RARB: variants seen among roughly 807,000 people sequenced by gnomAD.
RARB encodes HBV-activated protein.
RARB carries 17 observed loss-of-function variants against 51.9 expected under a neutral mutation model. That is an observed-to-expected ratio of 0.33 (90% CI 0.22 to 0.49). RARB has a LOEUF of 0.49. Ranked by LOEUF, RARB falls within the 20% of genes least tolerant of loss-of-function variation. The probability of loss-of-function intolerance (pLI) is 0.99; values close to 1 mark genes in which losing one functional copy is unlikely to be tolerated. For missense variants in RARB, 369 were observed against 550.8 expected, an observed-to-expected ratio of 0.67 and a Z score of 3.30; for synonymous variants, 215 against 195.4, an observed-to-expected ratio of 1.10 and a Z score of -0.84.
chr3:25,421,949 A>G (rs1256662034), intron 5 of RARB, among the ~76,000 whole-genome samples: 2 of 152,182 alleles, frequency 1.3e-5, no homozygotes, highest in Admixed American at 6.5e-5. Flanking sequence ...TGAGAGCACT[A>G]TGCTGCAATA....
intron 3 of RARB, among the ~76,000 whole-genome samples, chr3:25,114,074 G>GGCAT (rs1478920449): frequency 1.3e-5 from 2 of 152,222 alleles, no homozygotes; most frequent in East Asian, 3.9e-4. Flanking sequence ...TTGTGTCTTG[G>GGCAT]GCATTTCAAA....
chr3:24,937,376 T>C (rs1695568054), intron 2 of RARB, among the ~76,000 whole-genome samples: 3 of 152,308 alleles, frequency 2.0e-5, no homozygotes, highest in South Asian at 4.1e-4. Flanking sequence ...GAGTCTACCC[T>C]GGTGCCAGAA....
intron 3 of RARB, among the ~76,000 whole-genome samples, chr3:25,119,818 G>A (rs1391254035): frequency 6.6e-6 from 1 of 152,018 alleles, no homozygotes; most frequent in East Asian, 1.9e-4. Context: ...TAGAGCTGGT[G>A]GTCTGTATTT....
At chr3:25,028,749 C>T (rs1052242305) in intron 2 of RARB, among the ~76,000 whole-genome samples, 2 of 152,158 alleles carry the variant, frequency 1.3e-5, no homozygotes, top group African/African-American at 4.8e-5. Context: ...CTTAAGGGAA[C>T]TTTCAAGGTC....
intron 2 of RARB, among the ~76,000 whole-genome samples, chr3:25,472,088 C>T (rs1434358705): frequency 6.6e-6 from 1 of 152,186 alleles, no homozygotes; most frequent in East Asian, 1.9e-4. Flanking sequence ...GTTTCTAATG[C>T]ATTTTCATGT....
chr3:25,276,979 A>T (rs1223258572), intron 5 of RARB, among the ~76,000 whole-genome samples: 3 of 152,214 alleles, frequency 2.0e-5, no homozygotes, highest in African/African-American at 7.2e-5. Flanking sequence ...AGAAAGAGTG[A>T]AAATAAGTGA....
intron 5 of RARB, among the ~76,000 whole-genome samples, chr3:25,378,788 A>G (rs191791303): frequency 2.7e-4 from 41 of 152,332 alleles, no homozygotes; most frequent in African/African-American, 9.1e-4. Context: ...TTTGGTCTGT[A>G]AAATACTGAT....
intron 3 of RARB, among the ~76,000 whole-genome samples, chr3:25,117,709 G>C (rs1350287614): frequency 1.3e-5 from 2 of 152,066 alleles, no homozygotes; most frequent in Admixed American, 1.3e-4. Context: ...TCAACTGTTG[G>C]GCTCAAGGAA....
intron 5 of RARB, among the ~76,000 whole-genome samples, chr3:25,298,091 G>A (rs919949476): frequency 6.6e-6 from 1 of 152,186 alleles, no homozygotes; most frequent in South Asian, 2.1e-4. Context: ...GAGGTTCAGG[G>A]TAGGGGGAAT....
At chr3:25,162,469 A>G (rs1700488604) in intron 4 of RARB, among the ~76,000 whole-genome samples, 1 of 152,164 alleles carries the variant, frequency 6.6e-6, no homozygotes, top group Non-Finnish European at 1.5e-5. Flanking sequence ...AAGATGCACA[A>G]TTCAGTAGTT....
chr3:25,279,579 TA>T (rs112935948), intron 5 of RARB, among the ~76,000 whole-genome samples: 2,891 of 142,542 alleles, frequency 0.02, 67 homozygotes, highest in African/African-American at 0.054. Context: ...ACTGATCTAT[TA>T]AAAAAAAAAA....
At chr3:25,108,995 T>C (rs917144998) in intron 3 of RARB, among the ~76,000 whole-genome samples, 6 of 152,100 alleles carry the variant, frequency 3.9e-5, no homozygotes, top group Non-Finnish European at 5.9e-5. Context: ...TCAGACCAGA[T>C]TGTATCCCTG....
chr3:24,983,537 C>G (rs1294643453), intron 2 of RARB, among the ~76,000 whole-genome samples: 1 of 152,050 alleles, frequency 6.6e-6, no homozygotes, highest in Non-Finnish European at 1.5e-5. Context: ...TCCCCTTGCC[C>G]CCTACCCCCT....
At chr3:25,110,057 A>G (rs1029250149) in intron 3 of RARB, among the ~76,000 whole-genome samples, 1 of 152,100 alleles carries the variant, frequency 6.6e-6, no homozygotes, top group African/African-American at 2.4e-5. Context: ...AATTCTTGAC[A>G]TTAAATCCTG....
intron 5 of RARB, among the ~76,000 whole-genome samples, chr3:25,186,147 C>A (rs895267064): frequency 1.3e-5 from 2 of 151,832 alleles, no homozygotes; most frequent in East Asian, 1.9e-4. Context: ...ACAACCCCAA[C>A]GAAAAATAAA....
intron 4 of RARB, among the ~76,000 whole-genome samples, chr3:25,140,728 T>C (rs56104647): frequency 0.26 from 39,736 of 151,988 alleles, 5,490 homozygotes; most frequent in South Asian, 0.35. Context: ...GCATTGCATG[T>C]TACAGAGAAA....
At chr3:24,968,163 A>G (rs1348900468) in intron 2 of RARB, among the ~76,000 whole-genome samples, 1 of 152,180 alleles carries the variant, frequency 6.6e-6, no homozygotes, top group Non-Finnish European at 1.5e-5. Flanking sequence ...AAAGATGGAC[A>G]GTAAAGTAGG....
At chr3:25,484,027 T>C (rs1696353981) in intron 2 of RARB, among the ~76,000 whole-genome samples, 2 of 152,220 alleles carry the variant, frequency 1.3e-5, no homozygotes, top group Non-Finnish European at 2.9e-5. Flanking sequence ...TATTTGGAAA[T>C]CCTAATATTT....
At chr3:25,333,168 A>G (rs1430386151) in intron 5 of RARB, among the ~76,000 whole-genome samples, 1 of 152,180 alleles carries the variant, frequency 6.6e-6, no homozygotes, top group African/African-American at 2.4e-5. Flanking sequence ...CAGAATTGGA[A>G]AAAACTACTT....
Sources: gnomAD v4.1 joint callset for allele counts (sites outside exome capture counted in the v4.1 genomes callset) on GRCh38, gnomAD v4.1.1 for gene constraint, MANE v1.5 for transcripts, NCBI Gene and HGNC (gene_info 2026-07-23, HGNC 2026-07-21) for gene names.